Variants in KIF4A observed in about 807,000 individuals in gnomAD.
KIF4A encodes the protein chromosome-associated kinesin KIF4A.
KIF4A carries 7 observed loss-of-function variants against 105.9 expected under a neutral mutation model. The ratio of observed to expected loss-of-function variants is 0.07; its 90% CI spans 0.04 to 0.12. The LOEUF (loss-of-function observed/expected upper bound fraction) is 0.12. KIF4A is among the 10% of genes least tolerant of loss of function. KIF4A has a pLI of 1.00. For missense variants in KIF4A, 558 were observed against 929.2 expected, an observed-to-expected ratio of 0.60 and a Z score of 5.19; for synonymous variants, 281 against 331.3, an observed-to-expected ratio of 0.85 and a Z score of 1.65.
chrX:70,328,970 G>A (rs1416076953), intron 7 of KIF4A, among the ~76,000 whole-genome samples: 2 of 111,502 alleles, frequency 1.8e-5, no homozygotes, highest in South Asian at 3.8e-4. Flanking sequence ...TTTGACCTTA[G>A]GCAGGTCATT....
rs374496369 is a variant in KIF4A at position 70,329,048 on chromosome X, TA to T, written c.779-348del. 4.5e-3 allele frequency among the ~76,000 whole-genome samples: 497 copies of T among 110,023 alleles called. 4 individuals are homozygous for T. The highest frequency in any genetic ancestry group is 0.015 in the African/African-American group (464 of 30,336). On this transcript the variant is annotated intron_variant, in intron 7 of 30. Transcript: ENST00000374403. The stretch of plus-strand genomic sequence containing the variant: ...AATAAAAATAATGATGATGATATGG[TA>T]AAAAAAAACCTGTTCATCCAATTTC...
chrX:70,362,135 C>A, intron 15 of KIF4A: 1 of 206,622 alleles, frequency 4.8e-6, no homozygotes, highest in Non-Finnish European at 9.1e-6. Flanking sequence ...TCCAAAGGGA[C>A]TGGTCGAGAG....
chrX:70,387,387 G>A (rs2086222090), intron 20 of KIF4A, 90 bp downstream of exon 20: 4 of 611,499 alleles, frequency 6.5e-6, no homozygotes, highest in Non-Finnish European at 1.0e-5. Flanking sequence ...TTTTTTAGAA[G>A]TAAACACTGC....
chrX:70,331,874 C>A (rs1019087678), intron 9 of KIF4A, among the ~76,000 whole-genome samples: 1 of 112,082 alleles, frequency 8.9e-6, no homozygotes, highest in East Asian at 2.8e-4. Flanking sequence ...TCATGGAGAC[C>A]ATTTAAGAAG....
At chrX:70,366,189 C>A (rs951780639) in intron 15 of KIF4A, among the ~76,000 whole-genome samples, 2 of 111,072 alleles carry the variant, frequency 1.8e-5, no homozygotes, top group African/African-American at 6.6e-5. Context: ...TTGATCTTTT[C>A]AAAAAACCAG....
intron 10 of KIF4A, 53 bp downstream of exon 10, chrX:70,333,742 C>G: frequency 1.1e-6 from 1 of 877,223 alleles, no homozygotes; most frequent in Non-Finnish European, 1.7e-6. Context: ...GCTATTTTTC[C>G]TAATAATAGT....
chrX:70,374,043 G>C lies in KIF4A; in HGVS notation c.1675-108G>C, dbSNP rs925015310. On this transcript the variant is annotated intron_variant, in intron 15 of 30. Transcript: ENST00000374403. ...GAGTAAATGTTTTCAGCGTGCAGTT[G>C]AAGTGGTAAAAATTAATGCATAGTT... The C allele has an allele frequency of 4.6e-5, 18 of 390,859 alleles. No individual in the cohort carries two copies. The African/African-American group carries it at 4.7e-4, about 10-fold the overall frequency. 32.2% of individuals were successfully genotyped at this position (390,859 alleles called of 1,213,427 possible). A position where few individuals can be genotyped will look rare whatever the true frequency, so the allele number is the denominator to read the frequency against.
chrX:70,388,035 T>G (rs1455977846), intron 20 of KIF4A, among the ~76,000 whole-genome samples: 1 of 111,158 alleles, frequency 9.0e-6, no homozygotes, highest in African/African-American at 3.3e-5. Context: ...TCCTCCCTGG[T>G]CTACCCGTCT....
At chrX:70,371,903 C>A (rs1490201166) in intron 15 of KIF4A, among the ~76,000 whole-genome samples, 1 of 103,736 alleles carries the variant, frequency 9.6e-6, no homozygotes, top group African/African-American at 3.6e-5. Flanking sequence ...GGTTGCCAGG[C>A]GGAGGGTCTC....
chrX:70,411,977 T>C (rs986003624), intron 28 of KIF4A, among the ~76,000 whole-genome samples: 13 of 106,488 alleles, frequency 1.2e-4, no homozygotes, highest in African/African-American at 3.4e-5. Flanking sequence ...GCAGTTGTGA[T>C]ACACACACAC....
chrX:70,298,224 T>G (rs1223291047), intron 4 of KIF4A, among the ~76,000 whole-genome samples: 1 of 110,574 alleles, frequency 9.0e-6, no homozygotes, highest in African/African-American at 3.3e-5. Flanking sequence ...TAAAGGCAAT[T>G]TTTAATTCTA....
At chrX:70,368,725 G>A (rs986143218) in intron 15 of KIF4A, among the ~76,000 whole-genome samples, 2 of 111,870 alleles carry the variant, frequency 1.8e-5, no homozygotes, top group African/African-American at 3.3e-5. Flanking sequence ...CAGTCTTTTC[G>A]TTCTCAGATC....
Position 70,404,810 on chromosome X carries a change from A to G in KIF4A, c.2886A>G (p.Thr962=). 2 of 1,184,357 alleles carry G rather than the reference A, an allele frequency of 1.7e-6. No individual in the cohort carries two copies. The highest frequency in any genetic ancestry group is 2.3e-6 in the Non-Finnish European group (2 of 872,446). ...AAAAGGAACAGCAGCTGCTGAGCAC[A>G]CTGAAGTGTCAGGTATGATCACGAG... The part of the protein sequence containing the change: ...VSEKEQQLLS[T]LKCQDEELEK... Residue 962 remains threonine (T), a synonymous_variant, in exon 25 of 31, where the codon ACA becomes ACG. Transcript: ENST00000374403.
At chrX:70,411,560 C>T (rs1392188049) in intron 28 of KIF4A, among the ~76,000 whole-genome samples, 1 of 110,093 alleles carries the variant, frequency 9.1e-6, no homozygotes, top group Non-Finnish European at 1.9e-5. Context: ...AGCAGTAGTT[C>T]TCAAGTCTAG....
At chrX:70,335,947 A>G (rs2085948771) in intron 10 of KIF4A, among the ~76,000 whole-genome samples, 1 of 111,174 alleles carries the variant, frequency 9.0e-6, no homozygotes, top group African/African-American at 3.3e-5. Context: ...CCTTATTTCT[A>G]CCTCTTTTCT....
Position 70,298,232 on chromosome X carries a change from CTATT to C in KIF4A, c.427-871_427-868del, listed in dbSNP as rs764146500. Among the ~76,000 whole-genome samples the C allele has an allele frequency of 3.6e-5, 4 of 110,418 alleles. No homozygotes were observed. The Admixed American group carries it at 3.8e-4, about 11-fold the overall frequency. ...GAGACCTTAAAGGCAATTTTTAATTCTATTTATTTATTTCTTTTGAGAAAGAGTC... is the reference window on the plus strand; with the variant it reads ...GAGACCTTAAAGGCAATTTTTAATTCTATTTATTTCTTTTGAGAAAGAGTC... On this transcript the variant is annotated intron_variant, in intron 4 of 30. Coordinates refer to ENST00000374403, the MANE Select transcript of KIF4A (RefSeq NM_012310.5).
intron 3 of KIF4A, among the ~76,000 whole-genome samples, chrX:70,293,260 G>A (rs778388311): frequency 2.7e-5 from 3 of 112,200 alleles, no homozygotes; most frequent in South Asian, 3.7e-4. Context: ...TTTTCCTTCA[G>A]ACTGCAAAAT....
intron 3 of KIF4A, 100 bp from the exon 4 acceptor site, chrX:70,296,898 A>G (rs906977477): frequency 1.3e-5 from 12 of 912,996 alleles, no homozygotes; most frequent in Middle Eastern, 2.7e-4. Context: ...TTAAGAGAGC[A>G]ATCTCAGTTT....
At chrX:70,293,878 A>C (rs137948864) in intron 3 of KIF4A, among the ~76,000 whole-genome samples, 1,325 of 112,296 alleles carry the variant, frequency 0.012, 3 homozygotes, top group Non-Finnish European at 0.019. Flanking sequence ...ATTGTATACT[A>C]CTGTAGACTT....
Sources: allele counts gnomAD v4.1 joint callset (sites outside exome capture counted in the v4.1 genomes callset), GRCh38; gene constraint gnomAD v4.1.1; transcripts MANE v1.5; gene names NCBI Gene and HGNC (gene_info 2026-07-23, HGNC 2026-07-21).